The following UNC13B variants were observed in gnomAD, a reference collection of about 807,000 sequenced individuals.
The protein encoded by UNC13B is protein unc-13 homolog B.
UNC13B carries 144 observed loss-of-function variants against 211.0 expected under a neutral mutation model. The ratio of observed to expected loss-of-function variants is 0.68; its 90% CI spans 0.60 to 0.78. UNC13B has a LOEUF of 0.78. UNC13B is among the 30% of genes least tolerant of loss of function. The pLI is 0.00. For missense variants in UNC13B, 1,777 were observed against 2,002.0 expected, an observed-to-expected ratio of 0.89 and a Z score of 2.14; for synonymous variants, 709 against 725.8, an observed-to-expected ratio of 0.98 and a Z score of 0.37.
chr9:35,352,508 G>A lies in UNC13B; in HGVS notation c.9415-14439G>A, dbSNP rs538687929. ...ATCATTTTTTCAACAACAACATCAG[G>A]ATTATAGTCAGACTTCTTTAAACCA... On this transcript the variant is annotated intron_variant, in intron 11 of 39. Transcript: ENST00000635942. The A allele has an allele frequency of 3.0e-5, 37 of 1,232,084 alleles. 1 individual carries two copies. The South Asian group carries it at 1.2e-3, about 38-fold the overall frequency. The allele number at this position is 1,232,084 out of a possible 1,614,324, so 76.3% of individuals were successfully genotyped here.
chr9:35,229,483 A>G (rs1825072695), intron 2 of UNC13B, among the ~76,000 whole-genome samples: 1 of 152,132 alleles, frequency 6.6e-6, no homozygotes, highest in South Asian at 2.1e-4. Flanking sequence ...TTTTAGCTTC[A>G]GCACCAACCA....
intron 1 of UNC13B, among the ~76,000 whole-genome samples, chr9:35,214,321 G>A (rs566747573): frequency 6.6e-6 from 1 of 152,118 alleles, no homozygotes; most frequent in South Asian, 2.1e-4. Flanking sequence ...CAGCTACTGA[G>A]TAGGCTGAGG....
chr9:35,194,211 A>G (rs1822817210), intron 1 of UNC13B, among the ~76,000 whole-genome samples: 1 of 152,194 alleles, frequency 6.6e-6, no homozygotes, highest in Admixed American at 6.5e-5. Context: ...TATATCCCCT[A>G]CAACGTTTCC....
At chr9:35,163,767 C>T (rs1461894466) in intron 1 of UNC13B, among the ~76,000 whole-genome samples, 1 of 152,138 alleles carries the variant, frequency 6.6e-6, no homozygotes, top group Non-Finnish European at 1.5e-5. Context: ...TAATAGCAGG[C>T]AGGTTTCATT....
chr9:35,264,876 C>G (rs1827480341), intron 7 of UNC13B, among the ~76,000 whole-genome samples: 1 of 152,176 alleles, frequency 6.6e-6, no homozygotes, highest in South Asian at 2.1e-4. Context: ...CTGTTTCTCT[C>G]TTTTGGAATG....
In UNC13B at chr9:35,330,943, C is replaced by T. The variant is rs547465225; in HGVS notation, c.9414+16954C>T. Among the ~76,000 whole-genome samples the T allele has an allele frequency of 1.3e-4, 20 of 152,256 alleles. No individual in the cohort carries two copies. In the South Asian group the frequency reaches 2.5e-3, roughly 19 times the overall value. ...AGAAAAGGGTATCAGATACTGGCTG[C>T]GGGCCTTAGCTCCAAATGGTAGGTA... On this transcript the variant is annotated intron_variant, in intron 11 of 39. Transcript: ENST00000635942.
In UNC13B at chr9:35,399,378, C is replaced by T. The variant is rs990868871; in HGVS notation, c.12199-14C>T. On this transcript the variant is annotated splice_polypyrimidine_tract_variant and intron_variant, in intron 34 of 39. Transcript: ENST00000635942. ...TGGGGTCCTCTGCTTTTGACTGATTCCCTCTCTGCCCAGGGCACCCAGCTG... is the reference window on the plus strand; with the variant it reads ...TGGGGTCCTCTGCTTTTGACTGATTTCCTCTCTGCCCAGGGCACCCAGCTG... The T allele has an allele frequency of 3.7e-6, 6 of 1,614,006 alleles. No individual in the cohort carries two copies. Among genetic ancestry groups the T allele is most frequent in the Non-Finnish European group, 5.1e-6 (6 of 1,180,024 alleles).
At chr9:35,363,090 CGTCT>C (rs1564166982) in intron 11 of UNC13B, among the ~76,000 whole-genome samples, 1 of 152,100 alleles carries the variant, frequency 6.6e-6, no homozygotes, top group East Asian at 1.9e-4. Context: ...GAGTATGTGA[CGTCT>C]TTGTGAAACA....
chr9:35,382,413 G>C lies in UNC13B; in HGVS notation c.10712G>C (p.Ser3571Thr), dbSNP rs1323587181. 1 of 1,614,008 alleles carries C rather than the reference G, an allele frequency of 6.2e-7. No homozygotes were observed. The highest frequency in any genetic ancestry group is 8.5e-7 in the Non-Finnish European group (1 of 1,180,050). Reference protein sequence around the residue: ...YMCPGVPAVMSTLLANINAYY... With the variant: ...YMCPGVPAVMTTLLANINAYY... ...TGTCCTGGTGTGCCAGCAGTGATGA[G>C]CACCTTACTGGCCAACATCAACGCC... Residue 3571 changes from serine (S) to threonine (T), a missense_variant, in exon 21 of 40, where the codon AGC (serine) becomes ACC (threonine). Transcript: ENST00000635942.
intron 34 of UNC13B, 30 bp downstream of exon 34, chr9:35,399,314 C>A: frequency 6.2e-7 from 1 of 1,614,180 alleles, no homozygotes; most frequent in Non-Finnish European, 8.5e-7. Context: ...CTTCCTCCTG[C>A]TGTCTCCCTT....
chr9:35,319,884 C>A (rs1249914345), intron 11 of UNC13B, among the ~76,000 whole-genome samples: 1 of 152,106 alleles, frequency 6.6e-6, no homozygotes, highest in Non-Finnish European at 1.5e-5. Context: ...TGGTCTTGAA[C>A]TCCTGGCCTC....
Position 35,297,238 on chromosome 9 carries a change from G to A in UNC13B, c.761+1308G>A, listed in dbSNP as rs376950020. On this transcript the variant is annotated intron_variant, in intron 8 of 39. Coordinates refer to ENST00000635942, the MANE Select transcript of UNC13B (RefSeq NM_001371189.2). ...GGAGTAGCTGAGACTACAGGTGCACGCCACCATGCCCGGCTAATTTTTGTA... is the reference window on the plus strand; with the variant it reads ...GGAGTAGCTGAGACTACAGGTGCACACCACCATGCCCGGCTAATTTTTGTA... Among the ~76,000 whole-genome samples the A allele has an allele frequency of 7.3e-4, 111 of 151,810 alleles. 1 individual carries two copies. The South Asian group carries it at 0.018, about 25-fold the overall frequency.
intron 7 of UNC13B, among the ~76,000 whole-genome samples, chr9:35,295,252 C>A (rs780011003): frequency 6.6e-6 from 1 of 152,110 alleles, no homozygotes; most frequent in Non-Finnish European, 1.5e-5. Context: ...ACCAAGACAA[C>A]GTTAAATAAA....
intron 7 of UNC13B, among the ~76,000 whole-genome samples, chr9:35,285,950 T>G (rs1239460484): frequency 3.9e-5 from 6 of 152,140 alleles, no homozygotes; most frequent in Admixed American, 3.9e-4. Context: ...AGTTTGGTGG[T>G]TTTGGACATG....
intron 6 of UNC13B, among the ~76,000 whole-genome samples, chr9:35,252,002 C>G (rs755020864): frequency 3.3e-5 from 5 of 152,134 alleles, no homozygotes; most frequent in African/African-American, 4.8e-5. Flanking sequence ...CTTGAATCAT[C>G]TTAGCTGTAA....
chr9:35,208,235 C>T (rs1053668594), intron 1 of UNC13B, among the ~76,000 whole-genome samples: 1 of 152,096 alleles, frequency 6.6e-6, no homozygotes, highest in African/African-American at 2.4e-5. Context: ...AACTCTAGAC[C>T]AATTGCTTTC....
intron 1 of UNC13B, among the ~76,000 whole-genome samples, chr9:35,175,628 T>C (rs1290895394): frequency 6.6e-6 from 1 of 152,042 alleles, no homozygotes; most frequent in Non-Finnish European, 1.5e-5. Context: ...AGGCAGTGTA[T>C]TATAGTAGCT....
chr9:35,297,751 G>A (rs919203039), intron 8 of UNC13B, among the ~76,000 whole-genome samples: 1 of 150,834 alleles, frequency 6.6e-6, no homozygotes, highest in Non-Finnish European at 1.5e-5. Flanking sequence ...GGGTTTCACT[G>A]TGTTAGCCAG....
intron 8 of UNC13B, among the ~76,000 whole-genome samples, chr9:35,296,376 G>C (rs2131802554): frequency 6.6e-6 from 1 of 152,264 alleles, no homozygotes; most frequent in Non-Finnish European, 1.5e-5. Context: ...CTGGAACTTT[G>C]TTTTAATTTA....
Sources: gnomAD v4.1 joint callset for allele counts (sites outside exome capture counted in the v4.1 genomes callset) on GRCh38, gnomAD v4.1.1 for gene constraint, MANE v1.5 for transcripts, NCBI Gene and HGNC (gene_info 2026-07-23, HGNC 2026-07-21) for gene names.